The following NFIC variants were observed in gnomAD, a reference collection of about 807,000 sequenced individuals.
NFIC encodes the protein nuclear factor 1 C-type.
In NFIC, 12 loss-of-function variants were observed where a neutral mutation model predicts 54.4. The ratio of observed to expected loss-of-function variants is 0.22; its 90% CI spans 0.14 to 0.36. The LOEUF is 0.36. Among genes scored for constraint, NFIC ranks in the 10% least tolerant of loss-of-function variants. The probability of loss-of-function intolerance (pLI) is 1.00; values close to 1 mark genes in which losing one functional copy is unlikely to be tolerated. For missense variants in NFIC, 575 were observed against 718.2 expected (o/e 0.80, Z 2.28); for synonymous variants, 322 against 319.2 (o/e 1.01, Z -0.09).
intron 6 of NFIC, among the ~76,000 whole-genome samples, chr19:3,445,937 G>A (rs929095289): frequency 6.6e-6 from 1 of 152,060 alleles, no homozygotes; most frequent in Non-Finnish European, 1.5e-5. Context: ...GGGGACATCC[G>A]TGGTTGTCCC....
At chr19:3,454,123 G>T in intron 9 of NFIC, 1 of 1,347,298 alleles carries the variant, frequency 7.4e-7, no homozygotes, top group African/African-American at 1.5e-5. Context: ...ACCAAGCCTC[G>T]GGCCAGGGTG....
chr19:3,439,590 C>T (rs1449393029), intron 6 of NFIC, among the ~76,000 whole-genome samples: 4 of 150,682 alleles, frequency 2.7e-5, no homozygotes, highest in Non-Finnish European at 4.4e-5. Flanking sequence ...TGCAGTGAGC[C>T]GAGATTGTGC....
chr19:3,411,603 A>G (rs909252964), intron 2 of NFIC, among the ~76,000 whole-genome samples: 4 of 152,002 alleles, frequency 2.6e-5, no homozygotes, highest in African/African-American at 9.7e-5. Context: ...TACAGGTGTG[A>G]GCCACCACTC....
At chr19:3,437,643 AAAAAAG>A (rs1236986584) in intron 6 of NFIC, among the ~76,000 whole-genome samples, 4 of 148,380 alleles carry the variant, frequency 2.7e-5, no homozygotes, top group East Asian at 4.2e-4. Context: ...CTCAAAAAAA[AAAAAAG>A]AAAAAAAAAG....
chr19:3,391,963 C>T (rs1341161240), intron 2 of NFIC, among the ~76,000 whole-genome samples: 2 of 151,974 alleles, frequency 1.3e-5, no homozygotes, highest in Admixed American at 6.6e-5. Context: ...GCCCTGCAGA[C>T]AGCTGTGTAA....
In NFIC at chr19:3,369,994, C is replaced by T. The variant is rs1169681364; in HGVS notation, c.30+3328C>T. ...AGGCTGTCCTCCCACCCCAGACCCC[C>T]GACCTTTGTTGGATTTTCTAGATCT... On this transcript the variant is annotated intron_variant, in intron 1 of 10. Transcript: ENST00000443272. The surrounding 1 kb of genome is among the most constrained non-coding windows in gnomAD (Gnocchi z 4.3). Among the ~76,000 whole-genome samples, 7 of 152,264 alleles carry T rather than the reference C, an allele frequency of 4.6e-5. No individual in the cohort carries two copies. The highest frequency in any genetic ancestry group is 2.1e-4 in the South Asian group (1 of 4,826).
chr19:3,455,211 A>G (rs1374528742), intron 9 of NFIC, among the ~76,000 whole-genome samples: 1 of 152,274 alleles, frequency 6.6e-6, no homozygotes, highest in Non-Finnish European at 1.5e-5. Flanking sequence ...TTGACTGCAT[A>G]GGATCCAGTC....
intron 3 of NFIC, among the ~76,000 whole-genome samples, chr19:3,428,836 G>A (rs7507204): frequency 2.6e-5 from 4 of 151,882 alleles, no homozygotes; most frequent in South Asian, 4.2e-4. Context: ...CGGAGGGGGC[G>A]TGCTGACACC....
Position 3,463,753 on chromosome 19 carries a change from A to G in NFIC, c.*984A>G, listed in dbSNP as rs955358828. The stretch of plus-strand genomic sequence containing the variant: ...AGGAAGGGGATGGGGGAGCCCGGAC[A>G]CCCAGAGCTCCCCGAGTTGGGGGTG... On this transcript the variant is annotated 3_prime_UTR_variant, in exon 11 of 11. Coordinates refer to ENST00000443272, the MANE Select transcript of NFIC (RefSeq NM_001245002.2). The G allele has an allele frequency of 1.5e-4, 149 of 984,994 alleles. No individual in the cohort carries two copies. Among genetic ancestry groups the G allele is most frequent in the Non-Finnish European group, 1.7e-4 (145 of 829,962 alleles). 61.0% of individuals were successfully genotyped at this position (984,994 alleles called of 1,614,324 possible). A position where few individuals can be genotyped will look rare whatever the true frequency, so the allele number is the denominator to read the frequency against.
At chr19:3,396,849 G>A (rs565980938) in intron 2 of NFIC, among the ~76,000 whole-genome samples, 8 of 152,270 alleles carry the variant, frequency 5.3e-5, no homozygotes, top group African/African-American at 7.2e-5. Context: ...TCAGCTACTC[G>A]GGAGGCTGAG....
intron 2 of NFIC, among the ~76,000 whole-genome samples, chr19:3,390,838 G>T (rs1452497623): frequency 1.4e-5 from 2 of 147,744 alleles, no homozygotes; most frequent in Non-Finnish European, 3.0e-5. Context: ...GAGACAGAAA[G>T]TAGGATGGGG....
chr19:3,387,734 G>A (rs1344065236), intron 2 of NFIC, among the ~76,000 whole-genome samples: 1 of 151,954 alleles, frequency 6.6e-6, no homozygotes, highest in East Asian at 1.9e-4. Flanking sequence ...ACATGGAGCT[G>A]GCTGGGATGT....
chr19:3,360,276 G>A (rs1404612630), intron 1 of NFIC, among the ~76,000 whole-genome samples: 1 of 145,978 alleles, frequency 6.9e-6, no homozygotes, highest in Non-Finnish European at 1.5e-5. Flanking sequence ...GCCGCGCTCG[G>A]CGCCGCGCAG....
At chr19:3,363,261 A>G (rs1473234757), upstream of NFIC, among the ~76,000 whole-genome samples, 1 of 64,796 alleles carries the variant, frequency 1.5e-5, no homozygotes, top group Non-Finnish European at 2.7e-5. Context: ...ATATATATAT[A>G]TATATATATT....
intron 2 of NFIC, among the ~76,000 whole-genome samples, chr19:3,401,367 G>C (rs563076459): frequency 6.6e-6 from 1 of 152,224 alleles, no homozygotes; most frequent in Non-Finnish European, 1.5e-5. Context: ...AGAGTGGACC[G>C]CCCTGGTGCA....
chr19:3,466,714 A>C lies in NFIC; in HGVS notation c.*3945A>C, dbSNP rs2082721578. On this transcript the variant is annotated 3_prime_UTR_variant, in exon 11 of 11. Transcript: ENST00000443272. The surrounding 1 kb of genome is among the most constrained non-coding windows in gnomAD (Gnocchi z 4.8). ...AAATCTGTCTTGCCAAGGAACTAGG[A>C]GCAACCGGAGGCAAAGGGAGTGGGT... 6.6e-6 allele frequency: 1 copy of C among 151,174 alleles called. No individual in the cohort carries two copies. Among genetic ancestry groups the C allele is most frequent in the Non-Finnish European group, 1.5e-5 (1 of 67,910 alleles). The allele number at this position is 151,174 out of a possible 1,614,324, so 9.4% of individuals were successfully genotyped here.
At chr19:3,455,636 C>A (rs1327700032) in intron 9 of NFIC, among the ~76,000 whole-genome samples, 1 of 150,106 alleles carries the variant, frequency 6.7e-6, no homozygotes. Context: ...TGAGATTATG[C>A]CCAGAGCCTG....
chr19:3,444,987 G>A (rs531240230), intron 6 of NFIC, among the ~76,000 whole-genome samples: 49 of 152,148 alleles, frequency 3.2e-4, no homozygotes, highest in African/African-American at 9.4e-4. Flanking sequence ...ACGTGCACAC[G>A]CATGTGCGCA....
At chr19:3,435,835 CTTTT>C (rs869180200) in intron 6 of NFIC, among the ~76,000 whole-genome samples, 4 of 126,502 alleles carry the variant, frequency 3.2e-5, no homozygotes, top group East Asian at 2.6e-4. Context: ...TTCTTTCTTT[CTTTT>C]TTTTGAGATG....
Sources: allele counts gnomAD v4.1 joint callset (sites outside exome capture counted in the v4.1 genomes callset), GRCh38; gene constraint gnomAD v4.1.1; non-coding constraint Gnocchi (gnomAD v3.1); transcripts MANE v1.5; gene names NCBI Gene and HGNC (gene_info 2026-07-23, HGNC 2026-07-21).